The following SAMD12 variants were observed in gnomAD, a reference collection of about 807,000 sequenced individuals.
The protein encoded by SAMD12 is sterile alpha motif domain-containing protein 12.
SAMD12 carries 9 observed loss-of-function variants against 15.0 expected under a neutral mutation model. The observed-to-expected ratio is 0.60, with a 90% CI of 0.36 to 1.05. The LOEUF (loss-of-function observed/expected upper bound fraction) is 1.05, where lower values mean the gene tolerates loss of function less well. Among genes scored for constraint, SAMD12 ranks in the 50% least tolerant of loss-of-function variants. SAMD12 has a pLI of 0.01. For synonymous variants in SAMD12, 86 were observed against 90.1 expected (o/e 0.96, Z 0.25); for missense variants, 230 against 234.2 (o/e 0.98, Z 0.12).
intron 4 of SAMD12, among the ~76,000 whole-genome samples, chr8:118,205,935 T>C (rs1443461861): frequency 2.0e-5 from 3 of 152,144 alleles, no homozygotes; most frequent in South Asian, 4.1e-4. Flanking sequence ...AAAAAGGACA[T>C]TGTATTTGCT....
At chr8:118,439,160 T>G (rs1012046672) in intron 3 of SAMD12, among the ~76,000 whole-genome samples, 2 of 152,180 alleles carry the variant, frequency 1.3e-5, no homozygotes, top group Non-Finnish European at 2.9e-5. Context: ...TTCAAGTACT[T>G]ACTGACCTCC....
At chr8:118,162,629 A>G in the SAMD12 span, among the ~76,000 whole-genome samples, 3 of 152,262 alleles carry the variant, frequency 2.0e-5, no homozygotes, top group Admixed American at 6.5e-5. Flanking sequence ...TGGGCTGCAG[A>G]TTTTAAAAAG....
chr8:118,535,571 C>T (rs192159191), intron 2 of SAMD12, among the ~76,000 whole-genome samples: 1 of 152,224 alleles, frequency 6.6e-6, no homozygotes, highest in Non-Finnish European at 1.5e-5. Flanking sequence ...GCAGGCAGAC[C>T]TCCTTGAGCT....
intron 2 of SAMD12, among the ~76,000 whole-genome samples, chr8:118,471,529 G>C (rs1433877025): frequency 6.6e-6 from 1 of 152,144 alleles, no homozygotes; most frequent in Non-Finnish European, 1.5e-5. Context: ...CAGGAGAATA[G>C]GCCAAAGAAA....
At chr8:118,222,707 G>C (rs183208752) in intron 4 of SAMD12, among the ~76,000 whole-genome samples, 1 of 152,070 alleles carries the variant, frequency 6.6e-6, no homozygotes, top group African/African-American at 2.4e-5. Context: ...GTTTCACCAT[G>C]TTGGACAGGC....
At chr8:118,375,126 C>T (rs1819317493), downstream of SAMD12, among the ~76,000 whole-genome samples, 1 of 152,028 alleles carries the variant, frequency 6.6e-6, no homozygotes, top group Admixed American at 6.6e-5. Context: ...AAAGGTTTGC[C>T]AACCTCTGTC....
At chr8:118,362,262 A>G (rs1277725738) in intron 4 of SAMD12, among the ~76,000 whole-genome samples, 1 of 152,204 alleles carries the variant, frequency 6.6e-6, no homozygotes, top group Non-Finnish European at 1.5e-5. Flanking sequence ...TGATAGACCA[A>G]AATTATTATA....
chr8:118,299,878 T>G (rs7813475), intron 4 of SAMD12, among the ~76,000 whole-genome samples: 47,254 of 151,870 alleles, frequency 0.31, 7,686 homozygotes, highest in Non-Finnish European at 0.34. Flanking sequence ...TGATTCATTC[T>G]CGTCTCAAAT....
chr8:118,348,867 G>A (rs944441668), intron 4 of SAMD12, among the ~76,000 whole-genome samples: 3 of 152,302 alleles, frequency 2.0e-5, no homozygotes, highest in South Asian at 2.1e-4. Flanking sequence ...CACCTGGGCC[G>A]AGGAAGCCCT....
intron 4 of SAMD12, among the ~76,000 whole-genome samples, chr8:118,339,631 T>C (rs1463304980): frequency 6.6e-6 from 1 of 152,258 alleles, no homozygotes; most frequent in Non-Finnish European, 1.5e-5. Flanking sequence ...CCTGATGGAA[T>C]GATGCGGCAG....
downstream of SAMD12, among the ~76,000 whole-genome samples, chr8:118,187,326 T>G (rs559484589): frequency 4.6e-4 from 70 of 152,324 alleles, no homozygotes; most frequent in African/African-American, 1.6e-3. Context: ...ACAGTGTACA[T>G]ACATCTATAT....
At chr8:118,218,402 C>G (rs936788191) in intron 4 of SAMD12, among the ~76,000 whole-genome samples, 1 of 152,106 alleles carries the variant, frequency 6.6e-6, no homozygotes, top group Non-Finnish European at 1.5e-5. Flanking sequence ...CATTTAAAAT[C>G]TATTCTTTTA....
At position 118,258,887 on chromosome 8, in the gene SAMD12, C is replaced by G. The variant is rs76402570; in HGVS notation, c.434-61155G>C. On this transcript the variant is annotated intron_variant, in intron 4 of 4. Coordinates refer to the SAMD12 transcript ENST00000409003. ...GAATTGAGAAATGAGAAGGCCTCTGCTTGACTCAAATAAACCACGCTCATC... is the reference window on the plus strand; with the variant it reads ...GAATTGAGAAATGAGAAGGCCTCTGGTTGACTCAAATAAACCACGCTCATC... 3.3e-3 allele frequency among the ~76,000 whole-genome samples: 498 copies of G among 152,202 alleles called. 1 individual carries two copies. The highest frequency in any genetic ancestry group is 5.7e-3 in the Non-Finnish European group (385 of 67,984).
chr8:118,238,787 G>T (rs1812494105), intron 4 of SAMD12, among the ~76,000 whole-genome samples: 1 of 152,098 alleles, frequency 6.6e-6, no homozygotes, highest in Non-Finnish European at 1.5e-5. Flanking sequence ...ATCCAGACAG[G>T]TTTGGTAACT....
the SAMD12 span, among the ~76,000 whole-genome samples, chr8:118,133,025 T>TATATA: frequency 8.5e-6 from 1 of 116,990 alleles, no homozygotes; most frequent in Non-Finnish European, 1.8e-5. Context: ...TATATATATA[T>TATATA]ATCTTATTAC....
intron 4 of SAMD12, among the ~76,000 whole-genome samples, chr8:118,266,333 C>T (rs1373076768): frequency 1.3e-5 from 2 of 152,074 alleles, no homozygotes; most frequent in Non-Finnish European, 2.9e-5. Flanking sequence ...ATTAAAAAGA[C>T]AAAAGATAAA....
At chr8:118,177,943 C>T in the SAMD12 span, among the ~76,000 whole-genome samples, 1 of 152,170 alleles carries the variant, frequency 6.6e-6, no homozygotes, top group Non-Finnish European at 1.5e-5. Context: ...AACCACACTG[C>T]CATACACTTC....
intron 4 of SAMD12, among the ~76,000 whole-genome samples, chr8:118,242,143 A>G (rs1317562513): frequency 6.6e-6 from 1 of 152,126 alleles, no homozygotes; most frequent in African/African-American, 2.4e-5. Context: ...TCAAACTCCT[A>G]TGCTCAAGTG....
At chr8:118,459,312 C>T (rs185210175) in intron 2 of SAMD12, among the ~76,000 whole-genome samples, 3 of 152,174 alleles carry the variant, frequency 2.0e-5, no homozygotes, top group East Asian at 3.9e-4. Context: ...GTGATCTGCC[C>T]GCCTCAGCCT....
Sources: gnomAD v4.1 joint callset for allele counts (sites outside exome capture counted in the v4.1 genomes callset) on GRCh38, gnomAD v4.1.1 for gene constraint, MANE v1.5 for transcripts, NCBI Gene and HGNC (gene_info 2026-07-23, HGNC 2026-07-21) for gene names.